Variants in ANKFN1 observed in about 807,000 individuals in gnomAD.
The protein encoded by ANKFN1 is ankyrin repeat and fibronectin type III domain containing 1.
ANKFN1 carries 74 observed loss-of-function variants against 108.7 expected under a neutral mutation model. The observed-to-expected ratio is 0.68, with a 90% CI of 0.56 to 0.83. ANKFN1 has a LOEUF of 0.83. Ranked by LOEUF, ANKFN1 falls within the 40% of genes least tolerant of loss-of-function variation. The probability of loss-of-function intolerance (pLI) is 0.00; values close to 1 mark genes in which losing one functional copy is unlikely to be tolerated. For missense variants in ANKFN1, 1,505 were observed against 1,382.3 expected, an observed-to-expected ratio of 1.09 and a Z score of -1.41; for synonymous variants, 547 against 516.2, an observed-to-expected ratio of 1.06 and a Z score of -0.81.
rs1396505310 is a variant in ANKFN1 at position 56,368,275 on chromosome 17, A to AGTTTTTTTTTTTT, written c.602-4371_602-4370insGTTTTTTTTTTTT. The AGTTTTTTTTTTTT allele has an allele frequency of 2.5e-4, 8 of 31,478 alleles. 1 individual carries two copies. The highest frequency in any genetic ancestry group is 6.0e-4 in the Non-Finnish European group (6 of 9,930). 1.9% of individuals were successfully genotyped at this position (31,478 alleles called of 1,614,324 possible). A position where few individuals can be genotyped will look rare whatever the true frequency, so the allele number is the denominator to read the frequency against. ...ACAAACTTGAATAAACTGAAAATGA[A>AGTTTTTTTTTTTT]CTTTTTTTTTTTTTTTTTTTTTGAG... On this transcript the variant is annotated intron_variant, in intron 6 of 20. Coordinates refer to ENST00000682825, the MANE Select transcript of ANKFN1 (RefSeq NM_001370326.1).
intron 1 of ANKFN1, chr17:56,184,880 T>C (rs1912043709): frequency 6.6e-6 from 1 of 152,162 alleles, no homozygotes; most frequent in South Asian, 2.1e-4. Context: ...CGCCAGAGTG[T>C]TAAAGTACTG....
At chr17:56,133,810 C>G (rs1907431212) in intron 4 of ANKFN1, among the ~76,000 whole-genome samples, 1 of 151,658 alleles carries the variant, frequency 6.6e-6, no homozygotes, top group Non-Finnish European at 1.5e-5. Context: ...CTCTCACACA[C>G]CACTCAACAT....
At chr17:56,413,612 A>G (rs2048158109) in intron 8 of ANKFN1, among the ~76,000 whole-genome samples, 1 of 152,162 alleles carries the variant, frequency 6.6e-6, no homozygotes, top group Non-Finnish European at 1.5e-5. Flanking sequence ...ATAGTTTTAT[A>G]TTGAGAGTTT....
upstream of ANKFN1, among the ~76,000 whole-genome samples, chr17:56,153,039 C>G (rs1188589557): frequency 1.3e-5 from 2 of 152,128 alleles, no homozygotes; most frequent in Non-Finnish European, 2.9e-5. Flanking sequence ...AATTGTTTAC[C>G]TGATTAGTAT....
At chr17:56,505,076 T>G (rs2877759) in intron 20 of ANKFN1, among the ~76,000 whole-genome samples, 125,304 of 152,052 alleles carry the variant, frequency 0.82, 51,796 homozygotes, top group East Asian at 0.94. Flanking sequence ...TATGCAGTAG[T>G]TAGCAAGACA....
At chr17:56,229,631 A>C (rs762046973) in intron 3 of ANKFN1, among the ~76,000 whole-genome samples, 25 of 133,912 alleles carry the variant, frequency 1.9e-4, no homozygotes, top group Non-Finnish European at 3.1e-4. Flanking sequence ...TCAAAATTTC[A>C]GTTGAAAGCA....
chr17:56,512,346 A>G lies in ANKFN1; in HGVS notation c.*1077A>G, dbSNP rs902168572. Among the ~76,000 whole-genome samples, 1 of 152,218 alleles carries G rather than the reference A, an allele frequency of 6.6e-6. No individual in the cohort carries two copies. Among genetic ancestry groups the G allele is most frequent in the African/African-American group, 2.4e-5 (1 of 41,460 alleles). ...ATCAAGGGGCAGATTGTCCAGGGCT[A>G]GGGTGGCTGCCTTTCCCTTTCAACC... On this transcript the variant is annotated 3_prime_UTR_variant, in exon 21 of 21. Transcript: ENST00000682825.
At chr17:56,303,262 T>G (rs2044723700) in intron 3 of ANKFN1, among the ~76,000 whole-genome samples, 1 of 152,228 alleles carries the variant, frequency 6.6e-6, no homozygotes, top group Non-Finnish European at 1.5e-5. Context: ...GAAAGTGTCC[T>G]TTTATTTATT....
chr17:56,343,435 C>T (rs1407512574), intron 4 of ANKFN1, among the ~76,000 whole-genome samples: 1 of 151,850 alleles, frequency 6.6e-6, no homozygotes, highest in African/African-American at 2.4e-5. Flanking sequence ...TTTTTGGCCC[C>T]TGTGATTTTT....
intron 3 of ANKFN1, among the ~76,000 whole-genome samples, chr17:56,254,773 A>G (rs2043318237): frequency 6.6e-6 from 1 of 152,202 alleles, no homozygotes; most frequent in African/African-American, 2.4e-5. Flanking sequence ...GACACCATGA[A>G]CATGGGCCCC....
chr17:56,454,636 C>A (rs1014429930), intron 11 of ANKFN1, among the ~76,000 whole-genome samples: 5 of 152,248 alleles, frequency 3.3e-5, no homozygotes, highest in South Asian at 4.1e-4. Flanking sequence ...TTGAGATATC[C>A]CCAATGTCAG....
At chr17:56,156,963 C>T (rs143921305) in intron 1 of ANKFN1, among the ~76,000 whole-genome samples, 1 of 152,176 alleles carries the variant, frequency 6.6e-6, no homozygotes, top group African/African-American at 2.4e-5. Flanking sequence ...GTTTGCCAGC[C>T]CCCCATCTAC....
chr17:56,386,096 A>C (rs1435620037), intron 8 of ANKFN1, among the ~76,000 whole-genome samples: 1 of 152,098 alleles, frequency 6.6e-6, no homozygotes, highest in Non-Finnish European at 1.5e-5. Flanking sequence ...GATAGACTGG[A>C]TTAAGAAAAT....
At position 56,267,290 on chromosome 17, in the gene ANKFN1, TGTTA is replaced by T. The variant is rs541270958; in HGVS notation, c.53+39334_53+39337del. Among the ~76,000 whole-genome samples the T allele has an allele frequency of 4.7e-4, 71 of 152,342 alleles. 1 individual carries two copies. Among genetic ancestry groups the T allele is most frequent in the African/African-American group, 1.6e-3 (68 of 41,586 alleles). ...TAAATGAGGTTGTTGGATTTTTGTT[TGTTA>T]ATTTTTTAAATGTCCTTATAGATTA... On this transcript the variant is annotated intron_variant, in intron 3 of 20. Transcript: ENST00000682825.
At chr17:56,068,529 A>T (rs149278261) in intron 4 of ANKFN1, among the ~76,000 whole-genome samples, 1 of 152,272 alleles carries the variant, frequency 6.6e-6, no homozygotes, top group African/African-American at 2.4e-5. Context: ...GGCAAATGGC[A>T]TGAGTGCCCA....
chr17:56,461,618 T>C (rs956919413), intron 14 of ANKFN1, among the ~76,000 whole-genome samples: 11 of 152,226 alleles, frequency 7.2e-5, no homozygotes, highest in African/African-American at 2.7e-4. Context: ...TGAATCACTC[T>C]CATAGCACCT....
chr17:56,417,379 A>C (rs916995939), intron 8 of ANKFN1, among the ~76,000 whole-genome samples: 2 of 152,210 alleles, frequency 1.3e-5, no homozygotes, highest in Non-Finnish European at 2.9e-5. Context: ...TTTAAAATAC[A>C]TAAATTTAAA....
At chr17:56,501,819 G>A (rs1159288706) in intron 20 of ANKFN1, among the ~76,000 whole-genome samples, 1 of 152,156 alleles carries the variant, frequency 6.6e-6, no homozygotes, top group Non-Finnish European at 1.5e-5. Context: ...CAAGAGAGTA[G>A]TGGCACAGAA....
intron 18 of ANKFN1, among the ~76,000 whole-genome samples, chr17:56,484,055 C>T (rs569639300): frequency 1.3e-5 from 2 of 152,076 alleles, no homozygotes; most frequent in Non-Finnish European, 2.9e-5. Context: ...TGTTGAAGAA[C>T]AAACAGGATG....
Sources: gnomAD v4.1 joint callset for allele counts (sites outside exome capture counted in the v4.1 genomes callset) on GRCh38, gnomAD v4.1.1 for gene constraint, MANE v1.5 for transcripts, NCBI Gene and HGNC (gene_info 2026-07-23, HGNC 2026-07-21) for gene names.